Variants in UST observed in about 807,000 individuals in gnomAD.
UST encodes the protein chondroitin sulfate 2-O-sulfotransferase.
UST carries 21 observed loss-of-function variants against 45.6 expected under a neutral mutation model. The observed-to-expected ratio is 0.46, with a 90% CI of 0.33 to 0.66. The LOEUF (loss-of-function observed/expected upper bound fraction) is 0.66, where lower values mean the gene tolerates loss of function less well. UST is among the 30% of genes least tolerant of loss of function. The probability of loss-of-function intolerance (pLI) is 0.02; values close to 1 mark genes in which losing one functional copy is unlikely to be tolerated. For missense variants in UST, 463 were observed against 512.4 expected (o/e 0.90, Z 0.93); for synonymous variants, 215 against 200.6 (o/e 1.07, Z -0.61).
intron 1 of UST, among the ~76,000 whole-genome samples, chr6:148,855,647 G>A (rs969004086): frequency 2.6e-5 from 4 of 152,192 alleles, no homozygotes; most frequent in Admixed American, 1.3e-4. Flanking sequence ...TTTGGCAGAA[G>A]GCAGTTTCAT....
intron 5 of UST, among the ~76,000 whole-genome samples, chr6:148,986,577 C>T (rs1424658601): frequency 6.6e-6 from 1 of 152,208 alleles, no homozygotes; most frequent in Non-Finnish European, 1.5e-5. Flanking sequence ...TGTTTGTTTG[C>T]TTGTTTCTGA....
chr6:148,791,815 T>TA (rs1182597192), intron 1 of UST, among the ~76,000 whole-genome samples: 1 of 152,224 alleles, frequency 6.6e-6, no homozygotes, highest in Non-Finnish European at 1.5e-5. Context: ...TTGCCAGTCT[T>TA]ATGCATTACA....
intron 1 of UST, among the ~76,000 whole-genome samples, chr6:148,879,750 C>T (rs1054108890): frequency 1.3e-5 from 2 of 152,092 alleles, no homozygotes; most frequent in Non-Finnish European, 2.9e-5. Flanking sequence ...TTTCATAGAA[C>T]AAAATTATTC....
chr6:148,989,219 A>ATG (rs1562322281), intron 5 of UST, among the ~76,000 whole-genome samples: 2 of 67,894 alleles, frequency 2.9e-5, no homozygotes, highest in African/African-American at 8.4e-5. Context: ...GCCCCCCCCC[A>ATG]CCCCCCGCAA....
At chr6:149,010,537 A>G (rs961079890) in intron 5 of UST, among the ~76,000 whole-genome samples, 4 of 152,056 alleles carry the variant, frequency 2.6e-5, no homozygotes, top group African/African-American at 7.2e-5. Context: ...CCAAAAATCT[A>G]ATGAAAACTG....
chr6:148,962,126 C>A (rs1271385605), intron 4 of UST, among the ~76,000 whole-genome samples: 1 of 152,214 alleles, frequency 6.6e-6, no homozygotes, highest in Non-Finnish European at 1.5e-5. Flanking sequence ...CTAGAGAGAG[C>A]CTACTATATT....
chr6:148,985,603 A>G (rs1366857046), intron 5 of UST, among the ~76,000 whole-genome samples: 2 of 152,220 alleles, frequency 1.3e-5, no homozygotes, highest in Admixed American at 1.3e-4. Flanking sequence ...TGACAAGGGT[A>G]GAAGCAAGAT....
At chr6:148,986,168 A>C (rs931575916) in intron 5 of UST, among the ~76,000 whole-genome samples, 4 of 152,228 alleles carry the variant, frequency 2.6e-5, no homozygotes, top group African/African-American at 7.2e-5. Flanking sequence ...TACGGGAAGC[A>C]TGCCCTTGGC....
intron 2 of UST, among the ~76,000 whole-genome samples, chr6:148,922,837 G>C (rs926565478): frequency 6.6e-6 from 1 of 151,810 alleles, no homozygotes; most frequent in East Asian, 1.9e-4. Flanking sequence ...CTGTCACCCA[G>C]GCTGGAGTGC....
intron 5 of UST, among the ~76,000 whole-genome samples, chr6:148,977,611 A>G (rs569440617): frequency 7.6e-4 from 115 of 152,130 alleles, no homozygotes; most frequent in Non-Finnish European, 1.2e-3. Flanking sequence ...AATTAGCCGG[A>G]CGAGGTGGCG....
intron 7 of UST, among the ~76,000 whole-genome samples, chr6:149,046,193 A>G (rs1776392854): frequency 6.6e-6 from 1 of 152,240 alleles, no homozygotes; most frequent in Non-Finnish European, 1.5e-5. Flanking sequence ...AACAAAATGT[A>G]AGCAAGAATG....
intron 7 of UST, among the ~76,000 whole-genome samples, chr6:149,072,898 T>C (rs183128724): frequency 6.6e-6 from 1 of 152,160 alleles, no homozygotes; most frequent in Non-Finnish European, 1.5e-5. Flanking sequence ...TTAATGGATA[T>C]CAAGTTTTTG....
intron 1 of UST, among the ~76,000 whole-genome samples, chr6:148,868,456 T>C (rs201099653): frequency 0.34 from 51,192 of 151,630 alleles, 9,494 homozygotes; most frequent in East Asian, 0.51. Flanking sequence ...GATTCAAAAG[T>C]GAGTGACTCA....
rs536677468 is a variant in UST at position 149,062,039 on chromosome 6, T to C, written c.938-11794T>C. Among the ~76,000 whole-genome samples, 5 of 152,252 alleles carry C rather than the reference T, an allele frequency of 3.3e-5. No individual in the cohort carries two copies. In the East Asian group the frequency reaches 9.6e-4, roughly 29 times the overall value. ...CTTCAGTTAATGGCTGGGGTAAATA[T>C]CACACCCAGCACAAATTCATTAGCT... is the stretch of plus-strand genomic sequence containing the variant. On this transcript the variant is annotated intron_variant, in intron 7 of 7. Coordinates refer to ENST00000367463, the MANE Select transcript of UST (RefSeq NM_005715.3).
At chr6:148,929,241 A>T (rs959214584) in intron 2 of UST, among the ~76,000 whole-genome samples, 3 of 152,202 alleles carry the variant, frequency 2.0e-5, no homozygotes, top group African/African-American at 7.2e-5. Flanking sequence ...GTTTTACCCT[A>T]AGAGGAAGGC....
chr6:148,836,062 T>C (rs1394411567), intron 1 of UST, among the ~76,000 whole-genome samples: 1 of 152,126 alleles, frequency 6.6e-6, no homozygotes, highest in East Asian at 1.9e-4. Flanking sequence ...GGGAGTTTCA[T>C]TTTTTGTTTA....
intron 2 of UST, among the ~76,000 whole-genome samples, chr6:148,922,492 C>CT (rs10634690): frequency 0.37 from 52,486 of 140,676 alleles, 10,540 homozygotes; most frequent in East Asian, 0.56. Flanking sequence ...CTTTCTTTTT[C>CT]TTTTTTTTTT....
chr6:149,043,368 C>T (rs960514782), intron 7 of UST, among the ~76,000 whole-genome samples: 1 of 152,198 alleles, frequency 6.6e-6, no homozygotes, highest in Non-Finnish European at 1.5e-5. Context: ...ACCTTGACCT[C>T]CCAAAGTGTT....
chr6:148,824,765 G>T (rs1383796474), intron 1 of UST, among the ~76,000 whole-genome samples: 2 of 143,466 alleles, frequency 1.4e-5, no homozygotes, highest in African/African-American at 2.6e-5. Flanking sequence ...TGCCATGCTG[G>T]TGCGCTGCAC....
Sources: gnomAD v4.1 joint callset for allele counts (sites outside exome capture counted in the v4.1 genomes callset) on GRCh38, gnomAD v4.1.1 for gene constraint, MANE v1.5 for transcripts, NCBI Gene and HGNC (gene_info 2026-07-23, HGNC 2026-07-21) for gene names.